The following PDE4D variants were observed in gnomAD, a reference collection of about 807,000 sequenced individuals.
PDE4D encodes the protein 3',5'-cyclic-AMP phosphodiesterase 4D.
A neutral mutation model predicts 87.4 loss-of-function variants in PDE4D; 24 were observed. The observed-to-expected ratio is 0.27, with a 90% confidence interval of 0.20 to 0.39. The LOEUF is 0.39. Among genes scored for constraint, PDE4D ranks in the 10% least tolerant of loss-of-function variants. The probability of loss-of-function intolerance (pLI) is 1.00; values close to 1 mark genes in which losing one functional copy is unlikely to be tolerated. For synonymous variants in PDE4D, 384 were observed against 383.2 expected, an observed-to-expected ratio of 1.00 and a Z score of -0.02; for missense variants, 714 against 1,041.0, an observed-to-expected ratio of 0.69 and a Z score of 4.32.
At chr5:59,087,232 C>T (rs1767866905) in intron 5 of PDE4D, among the ~76,000 whole-genome samples, 1 of 152,118 alleles carries the variant, frequency 6.6e-6, no homozygotes, top group Non-Finnish European at 1.5e-5. Flanking sequence ...CACCTGTCAT[C>T]CCAGCACTTT....
At chr5:59,718,060 C>T (rs1157977796) in intron 1 of PDE4D, among the ~76,000 whole-genome samples, 1 of 152,184 alleles carries the variant, frequency 6.6e-6, no homozygotes, top group East Asian at 1.9e-4. Context: ...GTGTTACAAT[C>T]TCCATTTTCG....
intron 1 of PDE4D, among the ~76,000 whole-genome samples, chr5:60,293,584 G>A (rs748729829): frequency 3.9e-5 from 6 of 152,078 alleles, no homozygotes; most frequent in Admixed American, 1.3e-4. Flanking sequence ...CATCTCCCTA[G>A]AAAGTTCTCT....
intron 1 of PDE4D, among the ~76,000 whole-genome samples, chr5:59,230,315 T>A (rs1754882334): frequency 6.6e-6 from 1 of 152,148 alleles, no homozygotes. Flanking sequence ...AGTGATTCCA[T>A]TAGGTCAGAT....
chr5:59,815,842 C>T (rs1337032202), intron 1 of PDE4D, among the ~76,000 whole-genome samples: 1 of 152,202 alleles, frequency 6.6e-6, no homozygotes, highest in Non-Finnish European at 1.5e-5. Flanking sequence ...TCTTTAATTT[C>T]AAGCCTTGTG....
intron 1 of PDE4D, among the ~76,000 whole-genome samples, chr5:59,885,143 T>C (rs1311084518): frequency 1.3e-5 from 2 of 152,082 alleles, no homozygotes; most frequent in African/African-American, 4.8e-5. Flanking sequence ...TTTCAATATA[T>C]GCATGGGCCT....
chr5:59,878,966 T>A (rs1057315656), intron 1 of PDE4D, among the ~76,000 whole-genome samples: 4 of 135,830 alleles, frequency 2.9e-5, no homozygotes, highest in Non-Finnish European at 6.2e-5. Flanking sequence ...TGACGCGATC[T>A]CGGCTCACTG....
intron 1 of PDE4D, among the ~76,000 whole-genome samples, chr5:60,195,772 A>T (rs1180372079): frequency 6.6e-6 from 1 of 151,814 alleles, no homozygotes; most frequent in Non-Finnish European, 1.5e-5. Flanking sequence ...CCGAGGAGGC[A>T]GTAAATGATT....
intron 1 of PDE4D, among the ~76,000 whole-genome samples, chr5:59,498,237 A>C (rs2153663218): frequency 6.6e-6 from 1 of 151,786 alleles, no homozygotes; most frequent in Admixed American, 6.6e-5. Context: ...ATGCAAGCAG[A>C]TAGCCCACAG....
At chr5:59,328,012 C>T (rs1426009639) in intron 1 of PDE4D, among the ~76,000 whole-genome samples, 1 of 152,100 alleles carries the variant, frequency 6.6e-6, no homozygotes, top group African/African-American at 2.4e-5. Flanking sequence ...TCAGAGAAGT[C>T]TCTTATGAGC....
intron 3 of PDE4D, among the ~76,000 whole-genome samples, chr5:59,947,422 G>A (rs1005340992): frequency 6.6e-6 from 1 of 152,130 alleles, no homozygotes; most frequent in Non-Finnish European, 1.5e-5. Context: ...GGGGGAGGTA[G>A]CTCTCAGGAG....
At chr5:60,254,403 C>T (rs1748821288) in intron 1 of PDE4D, among the ~76,000 whole-genome samples, 1 of 151,940 alleles carries the variant, frequency 6.6e-6, no homozygotes, top group Admixed American at 6.6e-5. Flanking sequence ...CCAGCCCCTG[C>T]CTTTAAGCAA....
intron 2 of PDE4D, among the ~76,000 whole-genome samples, chr5:60,033,490 C>T (rs902631770): frequency 5.9e-5 from 9 of 152,066 alleles, no homozygotes; most frequent in South Asian, 2.1e-4. Flanking sequence ...TTTATTTTAT[C>T]CATTTTTTGC....
At chr5:59,376,086 A>C (rs1784682912) in intron 1 of PDE4D, among the ~76,000 whole-genome samples, 1 of 152,230 alleles carries the variant, frequency 6.6e-6, no homozygotes, top group Admixed American at 6.5e-5. Flanking sequence ...CATCATACTG[A>C]ATGGGCAGAA....
chr5:59,243,032 G>T (rs765182), intron 1 of PDE4D, among the ~76,000 whole-genome samples: 48,264 of 151,986 alleles, frequency 0.32, 8,149 homozygotes, highest in Admixed American at 0.41. Context: ...TATTTCTTAC[G>T]TACATCACAG....
intron 2 of PDE4D, among the ~76,000 whole-genome samples, chr5:60,107,373 A>G (rs1324422223): frequency 6.6e-6 from 1 of 152,144 alleles, no homozygotes; most frequent in African/African-American, 2.4e-5. Context: ...TCAATAGCTT[A>G]CCAACCAAAA....
At chr5:59,015,227 T>A (rs908065811) in intron 6 of PDE4D, among the ~76,000 whole-genome samples, 1 of 151,968 alleles carries the variant, frequency 6.6e-6, no homozygotes, top group Non-Finnish European at 1.5e-5. Context: ...GGACTTCATG[T>A]CTGAAACACC....
At chr5:59,586,384 A>G (rs1583225966) in intron 1 of PDE4D, 1 of 1,611,234 alleles carries the variant, frequency 6.2e-7, no homozygotes, top group Non-Finnish European at 8.5e-7. Flanking sequence ...ATGTTCGCAG[A>G]TCTTCTGTCA....
chr5:59,480,403 C>T (rs1352786180), intron 1 of PDE4D, among the ~76,000 whole-genome samples: 1 of 152,160 alleles, frequency 6.6e-6, no homozygotes, highest in Non-Finnish European at 1.5e-5. Flanking sequence ...CACGTACTCT[C>T]TGAATAGTCT....
At chr5:59,171,022 C>G (rs1782672253) in intron 5 of PDE4D, among the ~76,000 whole-genome samples, 1 of 151,964 alleles carries the variant, frequency 6.6e-6, no homozygotes, top group African/African-American at 2.4e-5. Context: ...GCTGGGATTA[C>G]AAGCACGTGC....
Sources: gnomAD v4.1 joint callset for allele counts (sites outside exome capture counted in the v4.1 genomes callset) on GRCh38, gnomAD v4.1.1 for gene constraint, MANE v1.5 for transcripts, NCBI Gene and HGNC (gene_info 2026-07-23, HGNC 2026-07-21) for gene names.